TEX2: variants seen among roughly 807,000 people sequenced by gnomAD.
The protein encoded by TEX2 is testis expressed 2.
Under a neutral mutation model 106.9 loss-of-function variants are expected in TEX2, and 53 were observed. That is an observed-to-expected ratio of 0.50 (90% CI 0.40 to 0.62). The LOEUF (loss-of-function observed/expected upper bound fraction) is 0.62. TEX2 is among the 20% of genes least tolerant of loss of function. TEX2 has a pLI of 0.00. For missense variants in TEX2, 1,207 were observed against 1,379.0 expected (o/e 0.88, Z 1.98); for synonymous variants, 523 against 534.8 (o/e 0.98, Z 0.30).
At chr17:64,149,182 G>T in intron 11 of TEX2, 91 bp from the exon 12 acceptor site, 1 of 1,413,702 alleles carries the variant, frequency 7.1e-7, no homozygotes, top group Non-Finnish European at 9.5e-7. Context: ...GGCTTAGACT[G>T]ATTTTTAAAA....
intron 10 of TEX2, 105 bp downstream of exon 10, chr17:64,152,839 GC>G: frequency 8.7e-7 from 1 of 1,151,210 alleles, no homozygotes; most frequent in South Asian, 1.5e-5. Flanking sequence ...AAGTGCTTCT[GC>G]CCGGGAGAAG....
At chr17:64,252,250 C>G (rs1382247483) in intron 1 of TEX2, among the ~76,000 whole-genome samples, 1 of 152,038 alleles carries the variant, frequency 6.6e-6, no homozygotes, top group African/African-American at 2.4e-5. Context: ...ATGATAGATC[C>G]CTGTGAACTC....
At chr17:64,168,700 C>A (rs1201235186) in intron 7 of TEX2, among the ~76,000 whole-genome samples, 2 of 152,138 alleles carry the variant, frequency 1.3e-5, no homozygotes, top group African/African-American at 4.8e-5. Context: ...GAAAATAGAG[C>A]GTGCACACTT....
chr17:64,169,036 TTTTC>T (rs1439220463), intron 7 of TEX2, among the ~76,000 whole-genome samples: 1 of 151,752 alleles, frequency 6.6e-6, no homozygotes, highest in Admixed American at 6.6e-5. Flanking sequence ...AGCTCTGTTA[TTTTC>T]TTTCTTTCTT....
chr17:64,182,118 A>G (rs1336023142), intron 5 of TEX2, among the ~76,000 whole-genome samples: 1 of 152,212 alleles, frequency 6.6e-6, no homozygotes, highest in Admixed American at 6.5e-5. Flanking sequence ...AAAATGGCGT[A>G]CGTACACAAT....
intron 8 of TEX2, among the ~76,000 whole-genome samples, chr17:64,158,134 A>C (rs959125422): frequency 2.0e-5 from 3 of 152,238 alleles, no homozygotes; most frequent in African/African-American, 7.2e-5. Flanking sequence ...ATGCCCATGA[A>C]AATACAGCAG....
intron 7 of TEX2, among the ~76,000 whole-genome samples, chr17:64,165,002 C>T (rs1293028852): frequency 2.6e-5 from 4 of 152,216 alleles, no homozygotes; most frequent in Non-Finnish European, 5.9e-5. Context: ...GTTAAGGGAA[C>T]CAAAACCCTG....
chr17:64,199,558 G>A (rs2032590432), intron 2 of TEX2, among the ~76,000 whole-genome samples: 1 of 152,076 alleles, frequency 6.6e-6, no homozygotes, highest in Admixed American at 6.6e-5. Flanking sequence ...ATTTTAAATG[G>A]TCTAAGAGCC....
intron 1 of TEX2, among the ~76,000 whole-genome samples, chr17:64,258,309 G>A (rs1427166652): frequency 2.0e-5 from 3 of 152,156 alleles, no homozygotes; most frequent in East Asian, 1.9e-4. Context: ...GGAAAAAAAC[G>A]TGGTGTATAT....
chr17:64,179,603 G>A lies in TEX2; in HGVS notation c.2425-2132C>T, dbSNP rs150236638. 2.3e-3 allele frequency among the ~76,000 whole-genome samples: 350 copies of A among 152,226 alleles called. 2 individuals are homozygous for A. The highest frequency in any genetic ancestry group is 8.0e-3 in the African/African-American group (332 of 41,522). On this transcript the variant is annotated intron_variant, in intron 5 of 11. Transcript: ENST00000584379. The stretch of plus-strand genomic sequence containing the variant: ...AGTGAGACCACGAACCCACCAGCAG[G>A]AACCAACTCCACATACATTGCCACA...
chr17:64,199,251 T>G (rs1157889463), intron 2 of TEX2, among the ~76,000 whole-genome samples: 1 of 150,852 alleles, frequency 6.6e-6, no homozygotes, highest in African/African-American at 2.4e-5. Context: ...TACTTTATTT[T>G]TTTGAGATGG....
chr17:64,242,108 A>G (rs896706309), intron 1 of TEX2, among the ~76,000 whole-genome samples: 1 of 152,236 alleles, frequency 6.6e-6, no homozygotes, highest in Non-Finnish European at 1.5e-5. Flanking sequence ...TGCACATAAT[A>G]CCTAAGTAAC....
intron 5 of TEX2, among the ~76,000 whole-genome samples, chr17:64,179,149 G>A (rs550321790): frequency 1.4e-4 from 22 of 152,320 alleles, no homozygotes; most frequent in African/African-American, 5.1e-4. Context: ...CAAGAGGATT[G>A]TAAAATGCAC....
chr17:64,213,281 T>C lies in TEX2; in HGVS notation c.937A>G (p.Ser313Gly), dbSNP rs2033070732. ...QLLSKIIGEESGSHRPKALSS... is the reference protein window; with the variant it reads ...QLLSKIIGEEGGSHRPKALSS... ...AAGGCTTTGGGCCTATGGCTGCCAC[T>C]TTCTTCCCCTATAATTTTACTAAGG... is the stretch of plus-strand genomic sequence containing the variant. Residue 313 changes from serine to glycine, a missense_variant, in exon 2 of 12, where the codon AGT (serine) becomes GGT (glycine). Ser to Gly is a moderately conservative substitution (Grantham distance 56, BLOSUM62 0). Transcript: ENST00000584379. The surrounding 1 kb of genome is among the most constrained non-coding windows in gnomAD (Gnocchi z 4.4). The C allele has an allele frequency of 6.8e-6, 11 of 1,614,186 alleles. No individual in the cohort carries two copies. Among genetic ancestry groups the C allele is most frequent in the Non-Finnish European group, 9.3e-6 (11 of 1,180,044 alleles).
intron 6 of TEX2, among the ~76,000 whole-genome samples, chr17:64,172,665 G>GAGT (rs2031460961): frequency 6.6e-6 from 1 of 152,156 alleles, no homozygotes; most frequent in Non-Finnish European, 1.5e-5. Flanking sequence ...GCTCCAGAGA[G>GAGT]AGTAACAGCT....
At chr17:64,183,713 C>T (rs2143829113) in intron 5 of TEX2, among the ~76,000 whole-genome samples, 1 of 152,328 alleles carries the variant, frequency 6.6e-6, no homozygotes, top group South Asian at 2.1e-4. Context: ...TAGGCGTGAG[C>T]CACCGCACCC....
intron 1 of TEX2, among the ~76,000 whole-genome samples, chr17:64,228,929 TACACACACACACACACACACAC>T (rs57741930): frequency 4.1e-5 from 6 of 146,750 alleles, no homozygotes; most frequent in South Asian, 2.2e-4. Context: ...GACTGACAGG[TACACACACACACACACACACAC>T]ACACACACAC....
chr17:64,235,050 G>A (rs561599669), intron 1 of TEX2, among the ~76,000 whole-genome samples: 35 of 152,312 alleles, frequency 2.3e-4, no homozygotes, highest in African/African-American at 7.5e-4. Context: ...GTCCTGATCT[G>A]TGAAGATGTA....
At chr17:64,210,343 T>C (rs2143030782) in intron 2 of TEX2, among the ~76,000 whole-genome samples, 1 of 152,276 alleles carries the variant, frequency 6.6e-6, no homozygotes, top group East Asian at 1.9e-4. Context: ...AAGGTCAGAC[T>C]GCAAAATATA....
Sources: allele counts gnomAD v4.1 joint callset (sites outside exome capture counted in the v4.1 genomes callset), GRCh38; gene constraint gnomAD v4.1.1; non-coding constraint Gnocchi (gnomAD v3.1); transcripts MANE v1.5; gene names NCBI Gene and HGNC (gene_info 2026-07-23, HGNC 2026-07-21).